KRABD5: variants seen among roughly 807,000 people sequenced by gnomAD.
KRABD5 encodes KRAB domain-containing protein 5.
the KRABD5 span, among the ~76,000 whole-genome samples, chr16:31,717,388 T>C: frequency 6.6e-6 from 1 of 152,212 alleles, no homozygotes; most frequent in Non-Finnish European, 1.5e-5. Flanking sequence ...TATCTTACAG[T>C]TTCTTTAGGA....
chr16:31,722,600 C>T, the KRABD5 span: 2 of 1,610,922 alleles, frequency 1.2e-6, no homozygotes, highest in South Asian at 2.2e-5. Context: ...GCCACATGGT[C>T]AATGTGCTAT....
At chr16:31,744,781 T>C in the KRABD5 span, among the ~76,000 whole-genome samples, 2 of 151,660 alleles carry the variant, frequency 1.3e-5, no homozygotes, top group African/African-American at 2.4e-5. Flanking sequence ...TAGGCTATTA[T>C]TGCCTCAATT....
the KRABD5 span, among the ~76,000 whole-genome samples, chr16:31,751,655 C>T: frequency 1.3e-5 from 2 of 152,162 alleles, no homozygotes; most frequent in Admixed American, 6.5e-5. Context: ...TCTGGATCTT[C>T]TGTTTTTCTT....
At chr16:31,715,491 G>T in the KRABD5 span, among the ~76,000 whole-genome samples, 1 of 152,084 alleles carries the variant, frequency 6.6e-6, no homozygotes, top group Non-Finnish European at 1.5e-5. Flanking sequence ...CTTCCATTAG[G>T]CTGAGTTGTA....
chr16:31,714,954 G>A, the KRABD5 span, among the ~76,000 whole-genome samples: 1 of 152,196 alleles, frequency 6.6e-6, no homozygotes, highest in Non-Finnish European at 1.5e-5. Context: ...GAGGAGGAAA[G>A]CACCAACTGT....
the KRABD5 span, chr16:31,755,196 A>C: frequency 8.4e-6 from 4 of 474,238 alleles, no homozygotes; most frequent in Non-Finnish European, 1.7e-5. Flanking sequence ...CAGAGAATTC[A>C]TACCGGAGAA....
At chr16:31,732,021 G>T in the KRABD5 span, among the ~76,000 whole-genome samples, 1 of 152,196 alleles carries the variant, frequency 6.6e-6, no homozygotes, top group Non-Finnish European at 1.5e-5. Context: ...TCTCAAGTGG[G>T]AATGAATCCT....
the KRABD5 span, chr16:31,759,557 TAAA>T: frequency 1.2e-6 from 1 of 807,660 alleles, no homozygotes; most frequent in South Asian, 1.5e-5. Flanking sequence ...AAAAAAATCT[TAAA>T]AAAATTAAAT....
At chr16:31,757,055 A>G in the KRABD5 span, 5 of 152,222 alleles carry the variant, frequency 3.3e-5, no homozygotes, top group African/African-American at 1.2e-4. Flanking sequence ...TTTATCCCGT[A>G]CAAATCCTTT....
the KRABD5 span, chr16:31,758,299 C>G: frequency 6.6e-5 from 10 of 152,052 alleles, no homozygotes; most frequent in East Asian, 1.7e-3. Context: ...ATACTCATCT[C>G]TACTGTGTGA....
At chr16:31,751,312 A>G in the KRABD5 span, among the ~76,000 whole-genome samples, 1 of 152,168 alleles carries the variant, frequency 6.6e-6, no homozygotes, top group Non-Finnish European at 1.5e-5. Flanking sequence ...ATAGAATGAA[A>G]GGGGAGGAGT....
chr16:31,729,538 C>A, the KRABD5 span, among the ~76,000 whole-genome samples: 1 of 152,202 alleles, frequency 6.6e-6, no homozygotes, highest in Non-Finnish European at 1.5e-5. Context: ...CTAATCACTT[C>A]TTAAAAGTCC....
chr16:31,714,252 GA>G, the KRABD5 span: 2 of 407,960 alleles, frequency 4.9e-6, no homozygotes, highest in South Asian at 3.6e-5. Context: ...TTTCTTGCTC[GA>G]AAGAGGTATT....
At chr16:31,748,147 C>T in the KRABD5 span, among the ~76,000 whole-genome samples, 1 of 151,988 alleles carries the variant, frequency 6.6e-6, no homozygotes, top group Non-Finnish European at 1.5e-5. Context: ...GTCTTTAATC[C>T]ATCTTGAATT....
the KRABD5 span, among the ~76,000 whole-genome samples, chr16:31,749,943 C>A: frequency 6.6e-6 from 1 of 152,162 alleles, no homozygotes; most frequent in Non-Finnish European, 1.5e-5. Flanking sequence ...TGACTGTAGG[C>A]TTATAGTATA....
chr16:31,722,759 A>C, the KRABD5 span: 2 of 1,576,524 alleles, frequency 1.3e-6, no homozygotes, highest in Admixed American at 2.0e-5. Context: ...CTGGGTGAGG[A>C]TAACTTGCCT....
the KRABD5 span, chr16:31,733,673 T>C: frequency 2.2e-6 from 1 of 454,870 alleles, no homozygotes; most frequent in Non-Finnish European, 4.4e-6. Flanking sequence ...CTATCTTATT[T>C]CACCTGACAT....
the KRABD5 span, among the ~76,000 whole-genome samples, chr16:31,738,121 G>A: frequency 6.6e-6 from 1 of 152,094 alleles, no homozygotes; most frequent in Non-Finnish European, 1.5e-5. Context: ...TTAACAGGTT[G>A]TCTATTGGTG....
the KRABD5 span, among the ~76,000 whole-genome samples, chr16:31,726,533 G>C: frequency 2.6e-5 from 4 of 152,132 alleles, no homozygotes; most frequent in Admixed American, 6.6e-5. Context: ...GACCGAAGCA[G>C]GTGGATCACT....
Sources: gnomAD v4.1 joint callset for allele counts (sites outside exome capture counted in the v4.1 genomes callset) on GRCh38, gnomAD v4.1.1 for gene constraint, MANE v1.5 for transcripts, NCBI Gene and HGNC (gene_info 2026-07-23, HGNC 2026-07-21) for gene names.